Variants in MMP24 observed in about 807,000 individuals in gnomAD.
MMP24 encodes matrix metalloproteinase-24.
Under a neutral mutation model 62.8 loss-of-function variants are expected in MMP24, and 25 were observed. The ratio of observed to expected loss-of-function variants is 0.40; its 90% confidence interval spans 0.29 to 0.56. The LOEUF is 0.56. MMP24 is among the 20% of genes least tolerant of loss of function. The probability of loss-of-function intolerance (pLI) is 0.50; values close to 1 mark genes in which losing one functional copy is unlikely to be tolerated. For synonymous variants in MMP24, 319 were observed against 350.5 expected, an observed-to-expected ratio of 0.91 and a Z score of 1.00; for missense variants, 634 against 853.6, an observed-to-expected ratio of 0.74 and a Z score of 3.21.
chr20:35,274,146 C>A lies in MMP24; in HGVS notation c.1601-126C>A, dbSNP rs959603943. 1.6e-5 allele frequency: 15 copies of A among 933,558 alleles called. No individual in the cohort carries two copies. In the East Asian group the frequency reaches 3.6e-4, roughly 22 times the overall value. 57.8% of individuals were successfully genotyped at this position (933,558 alleles called of 1,614,324 possible). On this transcript the variant is annotated intron_variant, in intron 8 of 8. Transcript: ENST00000246186. The surrounding 1 kb of genome is among the most constrained non-coding windows in gnomAD (Gnocchi z 5.1). ...CTCCATGACTCAGCCAAGCACTGCA[C>A]CCCAAACCTCCAGGTGTGCCCACCT...
At chr20:35,246,734 G>A (rs1003703314) in intron 1 of MMP24, 106 bp from the exon 2 acceptor site, 143 of 1,317,396 alleles carry the variant, frequency 1.1e-4, no homozygotes, top group Non-Finnish European at 1.4e-4. Context: ...ATGAGTCCAG[G>A]AGTCACTGGG....
At chr20:35,247,219 T>C (rs2060519965) in intron 2 of MMP24, among the ~76,000 whole-genome samples, 1 of 152,202 alleles carries the variant, frequency 6.6e-6, no homozygotes, top group Non-Finnish European at 1.5e-5. Flanking sequence ...TTAACCCTTC[T>C]GGACCTCAGT....
intron 7 of MMP24, among the ~76,000 whole-genome samples, chr20:35,270,535 G>T (rs564803715): frequency 6.6e-6 from 1 of 152,360 alleles, no homozygotes; most frequent in Non-Finnish European, 1.5e-5. Context: ...CCAGAATGTG[G>T]TCTTGATCCA....
In MMP24 at chr20:35,276,307, G is replaced by A. The variant is rs2060705485; in HGVS notation, c.*1698G>A. 5.0e-6 allele frequency: 2 copies of A among 399,012 alleles called. No homozygotes were observed. Among genetic ancestry groups the A allele is most frequent in the Admixed American group, 8.8e-5 (2 of 22,728 alleles). 24.7% of individuals were successfully genotyped at this position (399,012 alleles called of 1,614,324 possible). A position where few individuals can be genotyped will look rare whatever the true frequency, so the allele number is the denominator to read the frequency against. On this transcript the variant is annotated 3_prime_UTR_variant, in exon 9 of 9. Transcript: ENST00000246186. ...AAGGGCAGGCTCCCTGGGACAGGCAGGGAACAACTGCGGAGATATTAGTGA... is the reference window on the plus strand; with the variant it reads ...AAGGGCAGGCTCCCTGGGACAGGCAAGGAACAACTGCGGAGATATTAGTGA...
chr20:35,274,474 C>T lies in MMP24; in HGVS notation c.1803C>T (p.Asn601=), dbSNP rs1205155627. 6.8e-6 allele frequency: 11 copies of T among 1,613,928 alleles called. No homozygotes were observed. The highest frequency in any genetic ancestry group is 4.5e-5 in the East Asian group (2 of 44,900). Residue 601 remains asparagine, a synonymous_variant, in exon 9 of 9, where the codon AAC becomes AAT. Transcript: ENST00000246186. This position sits in a 1 kb window ranked among gnomAD's most constrained non-coding sequence, Gnocchi z 5.1. ...VTINDVPGSV[N]AVAVVIPCIL... ...TCAACGATGTGCCGGGCTCCGTGAA[C>T]GCCGTGGCCGTGGTCATCCCCTGCA...
chr20:35,247,157 T>TGG (rs996863165), intron 2 of MMP24, among the ~76,000 whole-genome samples, 169 bp downstream of exon 2: 13 of 152,168 alleles, frequency 8.5e-5, no homozygotes, highest in South Asian at 2.1e-4. Context: ...TGTGCTGGGA[T>TGG]GGGAGTCCAG....
chr20:35,269,656 C>T lies in MMP24; in HGVS notation c.1195-104C>T, dbSNP rs2060656155. 19 of 1,366,192 alleles carry T rather than the reference C, an allele frequency of 1.4e-5. No homozygotes were observed. The South Asian group carries it at 1.8e-4, about 13-fold the overall frequency. 84.6% of individuals were successfully genotyped at this position (1,366,192 alleles called of 1,614,324 possible). The stretch of plus-strand genomic sequence containing the variant: ...GTCAGAAGCAGCTAATGGACAGTCT[C>T]GGTGGAGGGCTGGGCTGTTGGGACC... On this transcript the variant is annotated intron_variant, in intron 6 of 8. Transcript: ENST00000246186. The surrounding 1 kb of genome is among the most constrained non-coding windows in gnomAD (Gnocchi z 4.6).
At chr20:35,238,950 C>T (rs947015252) in intron 1 of MMP24, among the ~76,000 whole-genome samples, 2 of 152,200 alleles carry the variant, frequency 1.3e-5, no homozygotes, top group Non-Finnish European at 2.9e-5. Flanking sequence ...CCACAGCCCA[C>T]TGCAGCCTCC....
chr20:35,236,960 C>T lies in MMP24; in HGVS notation c.247-9880C>T, dbSNP rs192422867. ...CTGCACTCCAGCCTGTGCGACAGAG[C>T]GAGACACCATCTCAAAAAAAAAAAA... is the stretch of plus-strand genomic sequence containing the variant. On this transcript the variant is annotated intron_variant, in intron 1 of 8. Transcript: ENST00000246186. Among the ~76,000 whole-genome samples the T allele has an allele frequency of 1.2e-3, 162 of 130,732 alleles. 1 individual carries two copies. The highest frequency in any genetic ancestry group is 4.3e-3 in the Middle Eastern group (1 of 232). The allele number at this position is 130,732 out of a possible 152,430, so 85.8% of individuals were successfully genotyped here. A position where few individuals can be genotyped will look rare whatever the true frequency, so the allele number is the denominator to read the frequency against.
intron 1 of MMP24, among the ~76,000 whole-genome samples, chr20:35,236,831 G>A (rs1228318891): frequency 6.6e-6 from 1 of 151,954 alleles, no homozygotes; most frequent in African/African-American, 2.4e-5. Context: ...AAAATTAGCC[G>A]GGCATGGTGG....
At chr20:35,249,746 G>A (rs1234969372) in intron 2 of MMP24, among the ~76,000 whole-genome samples, 1 of 151,502 alleles carries the variant, frequency 6.6e-6, no homozygotes, top group East Asian at 1.9e-4. Flanking sequence ...CCGCCACCAC[G>A]CCCGGCTAAT....
Position 35,271,898 on chromosome 20 carries a change from C to T in MMP24, c.1600+63C>T. ...GGTTTTATGTGGTCCTCACCAGTGCCCACGGGCATACTCAGTGCCCATGGG... is the reference window on the plus strand; with the variant it reads ...GGTTTTATGTGGTCCTCACCAGTGCTCACGGGCATACTCAGTGCCCATGGG... On this transcript the variant is annotated intron_variant, in intron 8 of 8. Transcript: ENST00000246186. This position sits in a 1 kb window ranked among gnomAD's most constrained non-coding sequence, Gnocchi z 4.0. 1 of 1,523,490 alleles carries T rather than the reference C, an allele frequency of 6.6e-7. No individual in the cohort carries two copies. Among genetic ancestry groups the T allele is most frequent in the Non-Finnish European group, 8.8e-7 (1 of 1,138,432 alleles). The allele number at this position is 1,523,490 out of a possible 1,614,324, so 94.4% of individuals were successfully genotyped here. A position where few individuals can be genotyped will look rare whatever the true frequency, so the allele number is the denominator to read the frequency against.
Position 35,274,525 on chromosome 20 carries a change from G to T in MMP24, c.1854G>T (p.Leu618=). 1 of 1,614,046 alleles carries T rather than the reference G, an allele frequency of 6.2e-7. No individual in the cohort carries two copies. The highest frequency in any genetic ancestry group is 8.5e-7 in the Non-Finnish European group (1 of 1,179,900). The change falls in exon 9 of 9, where the codon CTG becomes CTT. Residue 618 remains leucine (L), a synonymous_variant. Coordinates refer to ENST00000246186, the MANE Select transcript of MMP24 (RefSeq NM_006690.4). This position sits in a 1 kb window ranked among gnomAD's most constrained non-coding sequence, Gnocchi z 5.1. ...PCILSLCILV[L]VYTIFQFKNK... ...TCCTGTCCCTCTGCATCCTGGTGCT[G>T]GTCTACACCATCTTCCAGTTCAAGA... is the stretch of plus-strand genomic sequence containing the variant.
At position 35,274,825 on chromosome 20, in the gene MMP24, G is replaced by T; in HGVS notation, c.*216G>T. The T allele has an allele frequency of 3.4e-6, 2 of 586,790 alleles. No individual in the cohort carries two copies. Among genetic ancestry groups the T allele is most frequent in the Non-Finnish European group, 6.0e-6 (2 of 331,160 alleles). The allele number at this position is 586,790 out of a possible 1,614,324, so 36.3% of individuals were successfully genotyped here. A position where few individuals can be genotyped will look rare whatever the true frequency, so the allele number is the denominator to read the frequency against. The stretch of plus-strand genomic sequence containing the variant: ...GTGGGTGTCTGGCACCCAGCTGCCA[G>T]CCTTCTGTCCTGGGCAAACTACTCC... On this transcript the variant is annotated 3_prime_UTR_variant, in exon 9 of 9. Transcript: ENST00000246186. The surrounding 1 kb of genome is among the most constrained non-coding windows in gnomAD (Gnocchi z 5.1).
rs1266616175 is a variant in MMP24, at chr20:35,246,781, C to A, written c.247-59C>A. On this transcript the variant is annotated intron_variant, in intron 1 of 8. Transcript: ENST00000246186. The stretch of plus-strand genomic sequence containing the variant: ...CCTCGTGTTCAAGGCACATCTCTGC[C>A]CAGGTAGAACAGAGCCTTTCCCAGC... 3 of 1,586,952 alleles carry A rather than the reference C, an allele frequency of 1.9e-6. No homozygotes were observed. In the Admixed American group the frequency reaches 5.0e-5, roughly 27 times the overall value.
chr20:35,263,656 T>G (rs999504476), intron 4 of MMP24, 135 bp from the exon 5 acceptor site: 45 of 662,268 alleles, frequency 6.8e-5, no homozygotes, highest in Non-Finnish European at 9.8e-5. Context: ...GTGCCTGATT[T>G]CTCTGTATGT....
chr20:35,276,608 C>A lies in MMP24; in HGVS notation c.*1999C>A. The A allele has an allele frequency of 4.0e-6, 1 of 248,832 alleles. No homozygotes were observed. Among genetic ancestry groups the A allele is most frequent in the Non-Finnish European group, 7.6e-6 (1 of 130,758 alleles). The allele number at this position is 248,832 out of a possible 1,614,324, so 15.4% of individuals were successfully genotyped here. Reference sequence around the variant, plus strand: ...GCCTCCCTTCCCCCACTTCCTGGTCCCTGTCCACTCCTCAGGTTGGTGCTC... The same window carrying A: ...GCCTCCCTTCCCCCACTTCCTGGTCACTGTCCACTCCTCAGGTTGGTGCTC... On this transcript the variant is annotated 3_prime_UTR_variant, in exon 9 of 9. Transcript: ENST00000246186.
At position 35,269,781 on chromosome 20, in the gene MMP24, C is replaced by T. The variant is rs559463579; in HGVS notation, c.1216C>T (p.Arg406Cys). 22 of 1,572,240 alleles carry T rather than the reference C, an allele frequency of 1.4e-5. No individual in the cohort carries two copies. Among genetic ancestry groups the T allele is most frequent in the Non-Finnish European group, 1.7e-5 (20 of 1,159,008 alleles). The change falls in exon 7 of 9, where the codon CGC becomes TGC. Residue 406 changes from arginine (R) to cysteine (C), a missense_variant. By Grantham distance (180) the Arg-to-Cys change is radical. This residue lies in a region of MMP24 where 399 missense variants were observed against 530.8 expected (regional missense o/e 0.75). Transcript: ENST00000246186. This position sits in a 1 kb window ranked among gnomAD's most constrained non-coding sequence, Gnocchi z 4.6. ...CCAGGATCGCTGGTTCTGGCGTCTG[C>T]GCAATAACCGAGTGCAGGAGGGCTA... ...VFKDRWFWRL[R>C]NNRVQEGYPM...
At chr20:35,255,621 T>C (rs1014096757) in intron 4 of MMP24, among the ~76,000 whole-genome samples, 23 of 152,188 alleles carry the variant, frequency 1.5e-4, no homozygotes, top group Admixed American at 1.5e-3. Flanking sequence ...CAATATTTAC[T>C]CACAAGGCAC....
Sources: allele counts gnomAD v4.1 joint callset (sites outside exome capture counted in the v4.1 genomes callset), GRCh38; gene constraint gnomAD v4.1.1; regional missense constraint gnomAD v4.1.1; non-coding constraint Gnocchi (gnomAD v3.1); transcripts MANE v1.5; gene names NCBI Gene and HGNC (gene_info 2026-07-23, HGNC 2026-07-21).